Variants in LRP1B observed in about 807,000 individuals in gnomAD.
LRP1B encodes the protein low-density lipoprotein receptor-related protein 1B.
Under a neutral mutation model 556.6 loss-of-function variants are expected in LRP1B, and 217 were observed. That is an observed-to-expected ratio of 0.39 (90% CI 0.35 to 0.44). LRP1B has a LOEUF of 0.44. LRP1B is among the 20% of genes least tolerant of loss of function. The pLI is 1.00. For missense variants in LRP1B, 5,053 were observed against 5,620.8 expected (o/e 0.90, Z 3.23); for synonymous variants, 2,047 against 1,865.8 (o/e 1.10, Z -2.50).
chr2:140,283,238 T>G (rs1001464663), intron 84 of LRP1B, among the ~76,000 whole-genome samples: 1 of 151,514 alleles, frequency 6.6e-6, no homozygotes, highest in East Asian at 2.0e-4. Flanking sequence ...ATATTGGGAT[T>G]TATCCTTTTT....
intron 83 of LRP1B, among the ~76,000 whole-genome samples, chr2:140,305,284 A>C (rs1181589603): frequency 6.6e-6 from 1 of 152,158 alleles, no homozygotes; most frequent in Non-Finnish European, 1.5e-5. Flanking sequence ...CTTCCTATCC[A>C]TGAGCATGGA....
chr2:141,296,776 G>A (rs114522469), intron 3 of LRP1B, among the ~76,000 whole-genome samples: 2,478 of 152,090 alleles, frequency 0.016, 26 homozygotes, highest in Non-Finnish European at 0.026. Flanking sequence ...TGGGTATATC[G>A]CATGATGCTG....
intron 3 of LRP1B, among the ~76,000 whole-genome samples, chr2:141,376,421 C>A (rs1689438316): frequency 6.6e-6 from 1 of 152,188 alleles, no homozygotes; most frequent in Admixed American, 6.5e-5. Context: ...CACAAATCCT[C>A]TCCTTACTTC....
chr2:141,326,108 A>C (rs1163933812), intron 3 of LRP1B, among the ~76,000 whole-genome samples: 3 of 152,182 alleles, frequency 2.0e-5, no homozygotes. Flanking sequence ...TTCTTATAAG[A>C]TGAATATTCA....
chr2:141,747,856 C>T (rs1329488030), intron 2 of LRP1B, among the ~76,000 whole-genome samples: 1 of 152,036 alleles, frequency 6.6e-6, no homozygotes, highest in Admixed American at 6.6e-5. Context: ...ATTATCTCAC[C>T]TAATTCAAGG....
At chr2:140,764,125 A>T (rs555243053) in intron 35 of LRP1B, among the ~76,000 whole-genome samples, 1 of 152,134 alleles carries the variant, frequency 6.6e-6, no homozygotes, top group Non-Finnish European at 1.5e-5. Context: ...TTACTAGAAA[A>T]ATTTTGTAAA....
At chr2:141,922,145 A>G (rs1198799795) in intron 1 of LRP1B, among the ~76,000 whole-genome samples, 2 of 152,222 alleles carry the variant, frequency 1.3e-5, no homozygotes, top group East Asian at 3.8e-4. Flanking sequence ...AACATTATAC[A>G]AGAAAAATCT....
At chr2:140,277,510 C>T (rs554420113) in intron 84 of LRP1B, among the ~76,000 whole-genome samples, 2 of 151,998 alleles carry the variant, frequency 1.3e-5, no homozygotes, top group African/African-American at 2.4e-5. Context: ...TCGCTTGAAC[C>T]CAGGAGGCAG....
chr2:140,439,790 C>T (rs1195855040), intron 66 of LRP1B, among the ~76,000 whole-genome samples: 2 of 151,814 alleles, frequency 1.3e-5, no homozygotes, highest in South Asian at 2.1e-4. Context: ...ATTGAATATT[C>T]GTTGTCAAAA....
In LRP1B at chr2:140,868,267, A is replaced by T. The variant is rs1693015743; in HGVS notation, c.4170-4T>A. ...CCAGTCTGTCCAGAAAAGAATTCTA[A>T]AAAAAAAAAAAAAAAAAGAAATAAT... On this transcript the variant is annotated splice_polypyrimidine_tract_variant and splice_region_variant and intron_variant, in intron 25 of 90. Transcript: ENST00000389484. 5 of 791,550 alleles carry T rather than the reference A, an allele frequency of 6.3e-6. No homozygotes were observed. Among genetic ancestry groups the T allele is most frequent in the Non-Finnish European group, 8.6e-6 (5 of 578,688 alleles). 49.0% of individuals were successfully genotyped at this position (791,550 alleles called of 1,614,324 possible).
At chr2:141,753,263 C>CACATATATATATATAT (rs1553459356) in intron 2 of LRP1B, among the ~76,000 whole-genome samples, 2 of 62,498 alleles carry the variant, frequency 3.2e-5, no homozygotes, top group African/African-American at 1.2e-4. Context: ...TCTCTCTCTC[C>CACATATATATATATAT]ATATATATAT....
At chr2:141,201,938 T>A (rs770586002) in intron 6 of LRP1B, among the ~76,000 whole-genome samples, 2 of 152,196 alleles carry the variant, frequency 1.3e-5, no homozygotes, top group Non-Finnish European at 2.9e-5. Context: ...CATGTTTCCA[T>A]TGACAAACAT....
intron 25 of LRP1B, among the ~76,000 whole-genome samples, chr2:140,875,459 C>A (rs1693276031): frequency 6.6e-6 from 1 of 152,096 alleles, no homozygotes; most frequent in African/African-American, 2.4e-5. Context: ...TAGCTTCCTG[C>A]TTTTATTTGG....
intron 2 of LRP1B, among the ~76,000 whole-genome samples, chr2:141,511,214 A>T (rs1684119901): frequency 6.6e-6 from 1 of 152,118 alleles, no homozygotes; most frequent in Non-Finnish European, 1.5e-5. Flanking sequence ...ACTTAATTAT[A>T]ATTTATATGT....
intron 1 of LRP1B, among the ~76,000 whole-genome samples, chr2:142,124,405 T>C (rs1384522539): frequency 6.6e-6 from 1 of 151,956 alleles, no homozygotes; most frequent in Non-Finnish European, 1.5e-5. Flanking sequence ...TGTGACTGCA[T>C]ATGAAAATTA....
intron 2 of LRP1B, among the ~76,000 whole-genome samples, chr2:141,528,338 G>A (rs1319751390): frequency 1.3e-5 from 2 of 151,810 alleles, no homozygotes; most frequent in East Asian, 1.9e-4. Flanking sequence ...CTTTGGACAA[G>A]TTGTGTTACT....
chr2:141,216,007 A>T (rs146358508), intron 6 of LRP1B, among the ~76,000 whole-genome samples: 94 of 152,364 alleles, frequency 6.2e-4, no homozygotes, highest in Non-Finnish European at 1.0e-3. Flanking sequence ...AAGTGTTAAT[A>T]GCCAAGACAA....
chr2:141,502,376 T>G (rs1683747713), intron 2 of LRP1B, among the ~76,000 whole-genome samples: 1 of 152,184 alleles, frequency 6.6e-6, no homozygotes, highest in Admixed American at 6.5e-5. Context: ...TTGAGGAATT[T>G]GTTTGCTCAT....
At chr2:141,792,442 T>C (rs1695645320) in intron 2 of LRP1B, among the ~76,000 whole-genome samples, 1 of 151,964 alleles carries the variant, frequency 6.6e-6, no homozygotes, top group Non-Finnish European at 1.5e-5. Flanking sequence ...TTAATATATG[T>C]TTCATCATGA....
Sources: gnomAD v4.1 joint callset for allele counts (sites outside exome capture counted in the v4.1 genomes callset) on GRCh38, gnomAD v4.1.1 for gene constraint, MANE v1.5 for transcripts, NCBI Gene and HGNC (gene_info 2026-07-23, HGNC 2026-07-21) for gene names.